RNASE11: variants seen among roughly 807,000 people sequenced by gnomAD.
RNASE11 encodes putative inactive ribonuclease 11.
For missense variants in RNASE11, 252 were observed against 237.8 expected, an observed-to-expected ratio of 1.06 and a Z score of -0.39; for synonymous variants, 105 against 86.1, an observed-to-expected ratio of 1.22 and a Z score of -1.21.
At chr14:20,585,574 C>T (rs1397376317) in intron 1 of RNASE11, among the ~76,000 whole-genome samples, 1 of 152,062 alleles carries the variant, frequency 6.6e-6, no homozygotes, top group Non-Finnish European at 1.5e-5. Context: ...TGGAATTATC[C>T]ACAATTTTGC....
At chr14:20,589,213 G>A (rs1215755184), upstream of RNASE11, among the ~76,000 whole-genome samples, 1 of 151,602 alleles carries the variant, frequency 6.6e-6, no homozygotes, top group Non-Finnish European at 1.5e-5. Flanking sequence ...TGTCAGATTG[G>A]ATCTTCAAAA....
chr14:20,589,662 A>G (rs373495056), upstream of RNASE11, among the ~76,000 whole-genome samples: 64 of 152,174 alleles, frequency 4.2e-4, no homozygotes, highest in African/African-American at 1.4e-3. Context: ...TGAGGTGGGC[A>G]GATCACCTGA....
exon 2 of RNASE11, chr14:20,584,494 C>G (rs374640565): frequency 6.5e-7 from 1 of 1,546,674 alleles, no homozygotes; most frequent in African/African-American, 1.4e-5. Flanking sequence ...AGTGTAATCT[C>G]TTCTGCAGTA....
upstream of RNASE11, chr14:20,588,001 T>G: frequency 5.2e-6 from 1 of 192,166 alleles, no homozygotes; most frequent in Non-Finnish European, 9.6e-6. Context: ...TATGAGTCTC[T>G]AGCTCTCACA....
At chr14:20,584,037 G>A (rs1884372006) in exon 2 of RNASE11, 2 of 1,614,054 alleles carry the variant, frequency 1.2e-6, no homozygotes, top group Admixed American at 1.7e-5. Flanking sequence ...TCTCACAGCA[G>A]CTTATGCCAG....
At chr14:20,588,580 T>C (rs570294074), upstream of RNASE11, among the ~76,000 whole-genome samples, 6 of 152,222 alleles carry the variant, frequency 3.9e-5, no homozygotes, top group East Asian at 1.2e-3. Context: ...AGGGAGCTGC[T>C]GAACAGGAAC....
chr14:20,590,041 A>G (rs1341665899), upstream of RNASE11: 6 of 714,262 alleles, frequency 8.4e-6, no homozygotes, highest in Admixed American at 1.9e-4. Context: ...GGACCTAGAG[A>G]TAAGGGACAA....
intron 1 of RNASE11, among the ~76,000 whole-genome samples, chr14:20,586,571 C>T (rs1884438672): frequency 6.6e-6 from 1 of 152,108 alleles, no homozygotes; most frequent in South Asian, 2.1e-4. Flanking sequence ...TATATGTGTC[C>T]AGGTGTGTGT....
intron 1 of RNASE11, among the ~76,000 whole-genome samples, chr14:20,585,679 A>T (rs1351363983): frequency 6.6e-6 from 1 of 152,220 alleles, no homozygotes; most frequent in Non-Finnish European, 1.5e-5. Context: ...CAGAGCAGAA[A>T]TTCTCAGTCT....
At chr14:20,587,613 G>C in exon 1 of RNASE11, 1 of 985,266 alleles carries the variant, frequency 1.0e-6, no homozygotes, top group South Asian at 4.7e-5. Flanking sequence ...TTTACCTGGT[G>C]ACACCCAAAA....
chr14:20,586,811 C>T (rs1427513926), intron 1 of RNASE11, among the ~76,000 whole-genome samples: 1 of 152,206 alleles, frequency 6.6e-6, no homozygotes, highest in East Asian at 1.9e-4. Context: ...GCAGCATTCA[C>T]AGCTGCCTAG....
upstream of RNASE11, among the ~76,000 whole-genome samples, chr14:20,588,639 G>A (rs1050570537): frequency 2.0e-5 from 3 of 152,072 alleles, no homozygotes; most frequent in Admixed American, 1.3e-4. Flanking sequence ...ACCCTAAGAG[G>A]TGACCTCTGT....
upstream of RNASE11, chr14:20,587,784 C>T (rs1884467198): frequency 1.0e-6 from 1 of 985,364 alleles, no homozygotes; most frequent in Admixed American, 6.1e-5. Flanking sequence ...TCCCCCAACG[C>T]CCCCTCCTAA....
At chr14:20,586,612 A>T (rs1300276492) in intron 1 of RNASE11, among the ~76,000 whole-genome samples, 3 of 152,234 alleles carry the variant, frequency 2.0e-5, no homozygotes, top group African/African-American at 4.8e-5. Context: ...GACCTGATAC[A>T]TTTTGAAGGC....
chr14:20,585,988 C>A (rs1884425988), intron 1 of RNASE11, among the ~76,000 whole-genome samples: 1 of 152,118 alleles, frequency 6.6e-6, no homozygotes, highest in African/African-American at 2.4e-5. Context: ...CCCTTACTTC[C>A]CTCCTAATCA....
At chr14:20,590,126 C>A, upstream of RNASE11, 1 of 1,363,406 alleles carries the variant, frequency 7.3e-7, no homozygotes, top group South Asian at 1.5e-5. Flanking sequence ...AAAACAATCC[C>A]AACCCAGCAA....
At chr14:20,584,617 G>T (rs1884395233) in intron 1 of RNASE11, 121 bp from the exon 3 acceptor site, 6 of 685,486 alleles carry the variant, frequency 8.8e-6, no homozygotes, top group Non-Finnish European at 1.4e-5. Flanking sequence ...TTATATCTGT[G>T]AATGGAACTA....
At chr14:20,584,483 T>C (rs1235748506) in exon 2 of RNASE11, 2 of 1,564,384 alleles carry the variant, frequency 1.3e-6, no homozygotes, top group African/African-American at 1.4e-5. Context: ...ATCTCAGATG[T>C]AGTGTAATCT....
At position 20,587,582 on chromosome 14, in the gene RNASE11, A is replaced by G. The variant is rs1004955984; in HGVS notation, c.-42T>C. 7 of 985,250 alleles carry G rather than the reference A, an allele frequency of 7.1e-6. No individual in the cohort carries two copies. The Admixed American group carries it at 1.8e-4, about 26-fold the overall frequency. 61.0% of individuals were successfully genotyped at this position (985,250 alleles called of 1,614,324 possible). A position where few individuals can be genotyped will look rare whatever the true frequency, so the allele number is the denominator to read the frequency against. On this transcript the variant is annotated 5_prime_UTR_variant, in exon 1 of 2. Transcript: ENST00000553849. ...ACCTACCTGTTCCTGTTCAGTTTCT[A>G]TTCAGATGCTGAGGGCTCTGTTTAC...
Sources: allele counts gnomAD v4.1 joint callset (sites outside exome capture counted in the v4.1 genomes callset), GRCh38; gene constraint gnomAD v4.1.1; transcripts MANE v1.5; gene names NCBI Gene and HGNC (gene_info 2026-07-23, HGNC 2026-07-21).